The following TENM2 variants were observed in gnomAD, a reference collection of about 807,000 sequenced individuals.
The protein encoded by TENM2 is teneurin transmembrane protein 2, also known as teneurin-2.
A neutral mutation model predicts 245.2 loss-of-function variants in TENM2; 52 were observed. That is an observed-to-expected ratio of 0.21 (90% CI 0.17 to 0.27). The LOEUF (loss-of-function observed/expected upper bound fraction) is 0.27, where lower values mean the gene tolerates loss of function less well. TENM2 is among the 10% of genes least tolerant of loss of function. The probability of loss-of-function intolerance (pLI) is 1.00; values close to 1 mark genes in which losing one functional copy is unlikely to be tolerated. For synonymous variants in TENM2, 1,363 were observed against 1,438.9 expected (o/e 0.95, Z 1.19); for missense variants, 3,046 against 3,666.8 (o/e 0.83, Z 4.37).
chr5:167,741,769 G>A (rs900187510), intron 2 of TENM2, among the ~76,000 whole-genome samples: 1 of 152,056 alleles, frequency 6.6e-6, no homozygotes, highest in Non-Finnish European at 1.5e-5. Flanking sequence ...CCTCACTGAC[G>A]CTTCACCATC....
At chr5:167,445,050 A>T (rs2127464796) in intron 2 of TENM2, among the ~76,000 whole-genome samples, 1 of 152,134 alleles carries the variant, frequency 6.6e-6, no homozygotes, top group South Asian at 2.1e-4. Context: ...CACTTAGAAA[A>T]GCCTGGTATG....
At chr5:167,731,158 C>T (rs1232654729) in intron 2 of TENM2, among the ~76,000 whole-genome samples, 1 of 151,886 alleles carries the variant, frequency 6.6e-6, no homozygotes, top group African/African-American at 2.4e-5. Context: ...CAGATAAAAA[C>T]CCCATGCCAG....
chr5:167,872,175 C>T (rs1772880542), intron 2 of TENM2, among the ~76,000 whole-genome samples: 1 of 151,526 alleles, frequency 6.6e-6, no homozygotes, highest in Admixed American at 6.6e-5. Flanking sequence ...CATCTGTAAT[C>T]CCAGCTACTT....
At chr5:167,247,206 C>G in the TENM2 span, among the ~76,000 whole-genome samples, 1 of 152,076 alleles carries the variant, frequency 6.6e-6, no homozygotes, top group South Asian at 2.1e-4. Context: ...AGCTCAGACA[C>G]ACAGAGCTTA....
exon 24 of TENM2, chr5:168,226,177 T>C (rs779096650): frequency 2.5e-6 from 4 of 1,613,656 alleles, no homozygotes; most frequent in Non-Finnish European, 3.4e-6. Context: ...TCTATTACCA[T>C]TGACATTGAG....
At chr5:167,431,257 C>T (rs536064188) in intron 2 of TENM2, among the ~76,000 whole-genome samples, 22 of 151,932 alleles carry the variant, frequency 1.4e-4, no homozygotes, top group Non-Finnish European at 2.4e-4. Flanking sequence ...TATTTCATTG[C>T]TTGGTTAATA....
At chr5:167,846,528 C>CT (rs1252841966) in intron 2 of TENM2, among the ~76,000 whole-genome samples, 24 of 152,222 alleles carry the variant, frequency 1.6e-4, no homozygotes, top group Non-Finnish European at 3.1e-4. Context: ...GCTGGGGAGT[C>CT]TTTTTTAGAA....
chr5:167,172,866 T>C, the TENM2 span, among the ~76,000 whole-genome samples: 1 of 152,126 alleles, frequency 6.6e-6, no homozygotes, highest in Non-Finnish European at 1.5e-5. Flanking sequence ...AACGTTTCAA[T>C]AGAAATCCCT....
chr5:167,814,947 TC>T (rs1401912326), intron 2 of TENM2, among the ~76,000 whole-genome samples: 2 of 152,246 alleles, frequency 1.3e-5, no homozygotes, highest in East Asian at 3.9e-4. Context: ...GAGAAATTCC[TC>T]ATGTGTTAAT....
At chr5:168,128,402 T>G (rs1337432638) in intron 12 of TENM2, among the ~76,000 whole-genome samples, 1 of 152,234 alleles carries the variant, frequency 6.6e-6, no homozygotes, top group Non-Finnish European at 1.5e-5. Flanking sequence ...GTTATTTACA[T>G]GAAGATTCCC....
At chr5:167,771,232 G>C (rs1026997580) in intron 2 of TENM2, among the ~76,000 whole-genome samples, 1 of 152,028 alleles carries the variant, frequency 6.6e-6, no homozygotes, top group Non-Finnish European at 1.5e-5. Context: ...GTAAAAGCTT[G>C]GTAATTGCTG....
At chr5:167,847,264 T>A (rs560638799) in intron 2 of TENM2, among the ~76,000 whole-genome samples, 2 of 152,290 alleles carry the variant, frequency 1.3e-5, no homozygotes, top group African/African-American at 4.8e-5. Context: ...CACCCTATCT[T>A]TATCCCACAT....
chr5:167,068,485 A>T, the TENM2 span, among the ~76,000 whole-genome samples: 1 of 152,252 alleles, frequency 6.6e-6, no homozygotes, highest in Non-Finnish European at 1.5e-5. Flanking sequence ...TTAACCTGAG[A>T]TACCAAACCT....
chr5:167,312,721 A>G (rs1339172524), intron 1 of TENM2, among the ~76,000 whole-genome samples: 1 of 151,952 alleles, frequency 6.6e-6, no homozygotes, highest in East Asian at 1.9e-4. Flanking sequence ...CTTGTGAGAG[A>G]TGCTTTTTCT....
At chr5:167,423,343 C>T (rs1763623578) in intron 2 of TENM2, among the ~76,000 whole-genome samples, 1 of 152,050 alleles carries the variant, frequency 6.6e-6, no homozygotes, top group South Asian at 2.1e-4. Context: ...ATAAGAATAT[C>T]GATTAGTAAA....
chr5:167,353,968 G>A (rs1327978243), intron 1 of TENM2, among the ~76,000 whole-genome samples: 2 of 152,276 alleles, frequency 1.3e-5, no homozygotes, highest in East Asian at 3.9e-4. Context: ...AAATAAATGT[G>A]TAGAAGAAAA....
At chr5:167,600,088 T>TAGCCAACACTGCACCACTCCACTC (rs1314946515) in intron 2 of TENM2, among the ~76,000 whole-genome samples, 33 of 149,458 alleles carry the variant, frequency 2.2e-4, no homozygotes, top group Admixed American at 4.7e-4. Context: ...GGAGTTTGCT[T>TAGCCAACACTGCACCACTCCACTC]CATTTATAGG....
At chr5:167,034,964 C>T in the TENM2 span, among the ~76,000 whole-genome samples, 8 of 152,052 alleles carry the variant, frequency 5.3e-5, no homozygotes, top group African/African-American at 1.9e-4. Flanking sequence ...AAAGAACAAA[C>T]CTACACACAT....
At chr5:168,249,027 G>GA (rs1222507432) in intron 27 of TENM2, among the ~76,000 whole-genome samples, 2 of 150,766 alleles carry the variant, frequency 1.3e-5, no homozygotes, top group Non-Finnish European at 2.9e-5. Flanking sequence ...GCTGAGCCAA[G>GA]AAAATCACTT....
Sources: allele counts gnomAD v4.1 joint callset (sites outside exome capture counted in the v4.1 genomes callset), GRCh38; gene constraint gnomAD v4.1.1; transcripts MANE v1.5; gene names NCBI Gene and HGNC (gene_info 2026-07-23, HGNC 2026-07-21).